Variants in SLC14A1 observed in about 807,000 individuals in gnomAD.
The protein encoded by SLC14A1 is solute carrier family 14 member 1 (Kidd blood group).
A neutral mutation model predicts 39.6 loss-of-function variants in SLC14A1; 36 were observed. The ratio of observed to expected loss-of-function variants is 0.91; its 90% CI spans 0.70 to 1.20. The LOEUF is 1.20. Among genes scored for constraint, SLC14A1 ranks in the 50% most tolerant of loss-of-function variants. The pLI, the probability that SLC14A1 is intolerant of heterozygous loss-of-function variation, is 0.00. For synonymous variants in SLC14A1, 164 were observed against 173.6 expected (o/e 0.94, Z 0.43); for missense variants, 469 against 478.7 (o/e 0.98, Z 0.19).
At position 45,730,161 on chromosome 18, in the gene SLC14A1, G is replaced by A. The variant is rs1046104979; in HGVS notation, c.-21-139G>A. 40 of 848,256 alleles carry A rather than the reference G, an allele frequency of 4.7e-5. No homozygotes were observed. The African/African-American group carries it at 6.3e-4, about 13-fold the overall frequency. 52.5% of individuals were successfully genotyped at this position (848,256 alleles called of 1,614,324 possible). The stretch of plus-strand genomic sequence containing the variant: ...GGTTTGGCTAATAAGCTCTGTGGTG[G>A]TGTTTCAGAAGGAAAATGGTGCTCT... On this transcript the variant is annotated intron_variant, in intron 2 of 9. Coordinates refer to ENST00000321925, the MANE Select transcript of SLC14A1 (RefSeq NM_015865.7).
intron 4 of SLC14A1, among the ~76,000 whole-genome samples, chr18:45,731,809 AG>A: frequency 6.6e-6 from 1 of 152,356 alleles, no homozygotes; most frequent in African/African-American, 2.4e-5. Context: ...TCACCAGGGC[AG>A]TAGATAGCTC....
At chr18:45,732,305 T>C (rs2047054256) in intron 4 of SLC14A1, among the ~76,000 whole-genome samples, 1 of 152,260 alleles carries the variant, frequency 6.6e-6, no homozygotes, top group Admixed American at 6.5e-5. Context: ...GCTTTAACTA[T>C]GGCATTCCAC....
chr18:45,751,538 G>A lies in SLC14A1; in HGVS notation c.*1587G>A, dbSNP rs1443523425. On this transcript the variant is annotated 3_prime_UTR_variant, in exon 10 of 10. Transcript: ENST00000321925. Reference sequence around the variant, plus strand: ...CACACCTGTAATCCCAGCACTTTGGGAGATGGAGGTAAAAGGATCTCTTGA... The same window carrying A: ...CACACCTGTAATCCCAGCACTTTGGAAGATGGAGGTAAAAGGATCTCTTGA... 2 of 983,020 alleles carry A rather than the reference G, an allele frequency of 2.0e-6. No homozygotes were observed. The highest frequency in any genetic ancestry group is 4.7e-5 in the South Asian group (1 of 21,238). The allele number at this position is 983,020 out of a possible 1,614,324, so 60.9% of individuals were successfully genotyped here.
At chr18:45,725,775 T>A (rs1350785980) in intron 2 of SLC14A1, among the ~76,000 whole-genome samples, 2 of 152,228 alleles carry the variant, frequency 1.3e-5, no homozygotes, top group Non-Finnish European at 2.9e-5. Context: ...TGATGCCCAC[T>A]CTGATCCTTG....
intron 8 of SLC14A1, among the ~76,000 whole-genome samples, chr18:45,740,530 AAAAAAAGAG>A (rs1228218060): frequency 6.6e-6 from 1 of 151,684 alleles, no homozygotes; most frequent in African/African-American, 2.4e-5. Flanking sequence ...CAAAAAAAAA[AAAAAAAGAG>A]AAAAGAAAAA....
intron 7 of SLC14A1, 51 bp downstream of exon 7, chr18:45,739,361 A>G (rs2047289888): frequency 1.9e-6 from 3 of 1,613,240 alleles, no homozygotes; most frequent in South Asian, 1.1e-5. Flanking sequence ...CATCCCATGC[A>G]TTGCCTCAGG....
chr18:45,743,436 G>A (rs1438078247), intron 8 of SLC14A1, among the ~76,000 whole-genome samples: 1 of 151,906 alleles, frequency 6.6e-6, no homozygotes. Flanking sequence ...GTAGCATAAT[G>A]GTTGAGGCAG....
chr18:45,730,524 T>C, intron 3 of SLC14A1, 53 bp downstream of exon 3: 1 of 1,581,252 alleles, frequency 6.3e-7, no homozygotes, highest in South Asian at 1.1e-5. Context: ...TTGGGGGAAA[T>C]GGTTTCCTGG....
At chr18:45,729,630 G>C (rs967381282) in intron 2 of SLC14A1, 1 of 151,970 alleles carries the variant, frequency 6.6e-6, no homozygotes, top group African/African-American at 2.4e-5. Flanking sequence ...TTCTTGCCTG[G>C]TTTTACATAT....
intron 8 of SLC14A1, 137 bp downstream of exon 8, chr18:45,739,799 A>T: frequency 9.1e-7 from 1 of 1,098,620 alleles, no homozygotes. Flanking sequence ...AAGTGTGTGA[A>T]CAGGACAAGT....
chr18:45,734,342 C>G lies in SLC14A1; in HGVS notation c.410C>G (p.Ser137Trp), dbSNP rs1460927307. The change falls in exon 5 of 10, where the codon TCG (serine) becomes TGG (tryptophan). Residue 137 changes from serine to tryptophan, a missense_variant. By Grantham distance (177) the Ser-to-Trp change is radical (BLOSUM62 -3). Transcript: ENST00000321925. Reference protein sequence around the residue: ...TLVGVLMAVFSDKGDYFWWLL... With the variant: ...TLVGVLMAVFWDKGDYFWWLL... ...GTGGGAGTACTCATGGCTGTCTTTT[C>G]GGACAAGGGAGACTATTTCTGGTGG... 1.9e-6 allele frequency: 3 copies of G among 1,613,698 alleles called. No individual in the cohort carries two copies. Among genetic ancestry groups the G allele is most frequent in the Non-Finnish European group, 1.7e-6 (2 of 1,179,914 alleles).
intron 8 of SLC14A1, among the ~76,000 whole-genome samples, chr18:45,741,595 T>C (rs1301131531): frequency 6.7e-6 from 1 of 148,614 alleles, no homozygotes; most frequent in Non-Finnish European, 1.5e-5. Context: ...GTTGCTGTGA[T>C]GTAGCCATGT....
At chr18:45,732,282 A>G (rs1289032520) in intron 4 of SLC14A1, among the ~76,000 whole-genome samples, 3 of 152,248 alleles carry the variant, frequency 2.0e-5, no homozygotes, top group Admixed American at 6.5e-5. Flanking sequence ...AAGTAAATAT[A>G]TGTCTTCCTG....
At chr18:45,745,628 T>C (rs2047525107) in intron 8 of SLC14A1, among the ~76,000 whole-genome samples, 1 of 152,222 alleles carries the variant, frequency 6.6e-6, no homozygotes. Context: ...TACAAGCATT[T>C]CTGTAAGAAA....
At chr18:45,729,538 A>G (rs1417152439) in intron 2 of SLC14A1, 1 of 152,166 alleles carries the variant, frequency 6.6e-6, no homozygotes, top group Non-Finnish European at 1.5e-5. Flanking sequence ...CTATCATACA[A>G]TCCTTAGATT....
intron 3 of SLC14A1, 22 bp downstream of exon 3, chr18:45,730,493 GGA>G (rs1485341409): frequency 2.5e-6 from 4 of 1,613,408 alleles, no homozygotes; most frequent in Non-Finnish European, 3.4e-6. Flanking sequence ...TTCACATTTT[GGA>G]GAGACAGGAG....
At chr18:45,731,415 C>G (rs17674709) in intron 4 of SLC14A1, 288,556 of 616,056 alleles carry the variant, frequency 0.47, 69,370 homozygotes, top group East Asian at 0.54. Flanking sequence ...CTAAATGATG[C>G]CAGATTCTTG....
intron 6 of SLC14A1, among the ~76,000 whole-genome samples, chr18:45,737,969 T>A (rs759524479): frequency 1.3e-5 from 2 of 151,944 alleles, no homozygotes; most frequent in Non-Finnish European, 2.9e-5. Flanking sequence ...TGAGAGAGAG[T>A]TCTGCAGCCA....
chr18:45,749,916 C>T lies in SLC14A1; in HGVS notation c.1135C>T (p.Gln379Ter), dbSNP rs1334276359. ...YPEENRIFYLQAKKRMVESPL is the reference protein window; with the variant it reads ...YPEENRIFYL ...TGAAGAAAACCGCATCTTCTACCTG[C>T]AAGCCAAGAAAAGAATGGTGGAAAG... The change falls in exon 10 of 10, where the codon CAA becomes TAA. Residue 379 changes from glutamine to a stop codon, truncating the protein, a stop_gained. Transcript: ENST00000321925. LOFTEE classifies it high-confidence loss of function. 1 of 1,614,060 alleles carries T rather than the reference C, an allele frequency of 6.2e-7. No homozygotes were observed. Among genetic ancestry groups the T allele is most frequent in the Non-Finnish European group, 8.5e-7 (1 of 1,180,044 alleles).
Sources: allele counts gnomAD v4.1 joint callset (sites outside exome capture counted in the v4.1 genomes callset), GRCh38; gene constraint gnomAD v4.1.1; transcripts MANE v1.5; gene names NCBI Gene and HGNC (gene_info 2026-07-23, HGNC 2026-07-21).